DSCAM: variants seen among roughly 807,000 people sequenced by gnomAD.
The protein encoded by DSCAM is DS cell adhesion molecule, also known as cell adhesion molecule DSCAM.
Under a neutral mutation model 217.7 loss-of-function variants are expected in DSCAM, and 47 were observed. The observed-to-expected ratio is 0.22, with a 90% CI of 0.17 to 0.28. The LOEUF (loss-of-function observed/expected upper bound fraction) is 0.28. Ranked by LOEUF, DSCAM falls within the 10% of genes least tolerant of loss-of-function variation. The pLI is 1.00. For missense variants in DSCAM, 2,080 were observed against 2,618.3 expected (o/e 0.79, Z 4.49); for synonymous variants, 1,056 against 1,015.3 (o/e 1.04, Z -0.76).
intron 3 of DSCAM, among the ~76,000 whole-genome samples, chr21:40,421,488 G>C (rs985824577): frequency 6.6e-6 from 1 of 152,214 alleles, no homozygotes; most frequent in African/African-American, 2.4e-5. Context: ...GTGCTTGTGG[G>C]ATTGGTGTGG....
intron 1 of DSCAM, among the ~76,000 whole-genome samples, chr21:40,714,290 C>T (rs539605193): frequency 5.3e-5 from 8 of 152,238 alleles, no homozygotes; most frequent in Non-Finnish European, 1.5e-5. Flanking sequence ...GATCCCAGAA[C>T]TGTAGAGCTA....
chr21:40,648,954 C>T (rs2089982540), intron 3 of DSCAM, among the ~76,000 whole-genome samples: 1 of 152,196 alleles, frequency 6.6e-6, no homozygotes, highest in Admixed American at 6.5e-5. Flanking sequence ...ACAGCAAGCT[C>T]AGCGGGTGGG....
intron 4 of DSCAM, among the ~76,000 whole-genome samples, chr21:40,365,616 G>T (rs1297093583): frequency 6.6e-6 from 1 of 152,002 alleles, no homozygotes; most frequent in Admixed American, 6.6e-5. Flanking sequence ...ATAGAGACTA[G>T]ACTCCAATTT....
chr21:40,550,784 T>C (rs2076623741), intron 3 of DSCAM, among the ~76,000 whole-genome samples: 1 of 152,170 alleles, frequency 6.6e-6, no homozygotes, highest in Non-Finnish European at 1.5e-5. Context: ...TGAGGGACTG[T>C]CACATGGTTG....
chr21:40,485,408 A>G (rs1201294185), intron 3 of DSCAM, among the ~76,000 whole-genome samples: 3 of 150,418 alleles, frequency 2.0e-5, no homozygotes, highest in African/African-American at 7.4e-5. Flanking sequence ...GCGCCCGGCT[A>G]ATTTTTTGTA....
chr21:40,455,658 A>C (rs1159695392), intron 3 of DSCAM, among the ~76,000 whole-genome samples: 1 of 152,142 alleles, frequency 6.6e-6, no homozygotes, highest in Non-Finnish European at 1.5e-5. Context: ...GATCCCAGCT[A>C]CTGGGGAGGC....
At chr21:40,476,543 A>C (rs1403372144) in intron 3 of DSCAM, among the ~76,000 whole-genome samples, 1 of 152,228 alleles carries the variant, frequency 6.6e-6, no homozygotes, top group East Asian at 1.9e-4. Flanking sequence ...GTTTGCTCAC[A>C]ACCTTATCAG....
At chr21:40,485,631 T>C (rs888096967) in intron 3 of DSCAM, among the ~76,000 whole-genome samples, 1 of 152,176 alleles carries the variant, frequency 6.6e-6, no homozygotes, top group Non-Finnish European at 1.5e-5. Context: ...AATAAATAAA[T>C]AAAATGTATT....
intron 19 of DSCAM, 103 bp downstream of exon 19, chr21:40,133,751 G>A: frequency 7.2e-7 from 1 of 1,389,364 alleles, no homozygotes; most frequent in Non-Finnish European, 9.6e-7. Flanking sequence ...GCAAAGGTTT[G>A]CACTGAGAAT....
In DSCAM at chr21:40,360,123, C is replaced by CT. The variant is rs930781270; in HGVS notation, c.656-6381dup. Among the ~76,000 whole-genome samples, 41 of 65,426 alleles carry CT rather than the reference C, an allele frequency of 6.3e-4. 4 individuals are homozygous for CT. The highest frequency in any genetic ancestry group is 1.2e-3 in the Non-Finnish European group (36 of 29,940). The allele number at this position is 65,426 out of a possible 152,430, so 42.9% of individuals were successfully genotyped here. A position where few individuals can be genotyped will look rare whatever the true frequency, so the allele number is the denominator to read the frequency against. ...GTGAGCATGGTACTTCATAGGTAGT[C>CT]TTTTTTTTTTTTTTTTTTTTTTTTT... is the stretch of plus-strand genomic sequence containing the variant. On this transcript the variant is annotated intron_variant, in intron 4 of 32. Transcript: ENST00000400454.
chr21:40,385,600 T>C (rs868596746), intron 3 of DSCAM, among the ~76,000 whole-genome samples: 16 of 152,172 alleles, frequency 1.1e-4, no homozygotes, highest in African/African-American at 3.9e-4. Flanking sequence ...TTTTTGGTTT[T>C]GTGGGATTCT....
At chr21:40,812,511 T>C (rs2091847817) in intron 1 of DSCAM, among the ~76,000 whole-genome samples, 1 of 152,196 alleles carries the variant, frequency 6.6e-6, no homozygotes. Context: ...ACCTGTGCTC[T>C]CTTTTTGGAT....
chr21:40,828,845 A>T (rs973307580), intron 1 of DSCAM, among the ~76,000 whole-genome samples: 1 of 152,028 alleles, frequency 6.6e-6, no homozygotes, highest in African/African-American at 2.4e-5. Context: ...TTTAGTATAG[A>T]TGGGGTTTCA....
intron 3 of DSCAM, among the ~76,000 whole-genome samples, chr21:40,662,731 C>T (rs577130977): frequency 1.3e-5 from 2 of 152,244 alleles, no homozygotes; most frequent in South Asian, 4.1e-4. Context: ...TCCTTCCCTG[C>T]TCCCTGCCAG....
intron 3 of DSCAM, among the ~76,000 whole-genome samples, chr21:40,488,784 C>T (rs2076050946): frequency 1.3e-5 from 2 of 152,074 alleles, no homozygotes; most frequent in African/African-American, 4.8e-5. Context: ...TTTATTTTTC[C>T]TTGGCTTCAT....
At chr21:40,841,563 G>A (rs1476903369) in intron 1 of DSCAM, among the ~76,000 whole-genome samples, 1 of 152,182 alleles carries the variant, frequency 6.6e-6, no homozygotes, top group Non-Finnish European at 1.5e-5. Context: ...CAGTGGGCCT[G>A]GGGGAGAGGG....
At chr21:40,087,428 G>C in intron 21 of DSCAM, 141 bp from the exon 22 acceptor site, 2 of 627,074 alleles carry the variant, frequency 3.2e-6, no homozygotes, top group Non-Finnish European at 2.9e-6. Context: ...CTACTCTCTG[G>C]TACCCGGGTT....
intron 11 of DSCAM, chr21:40,212,364 A>C (rs1269734918): frequency 6.5e-6 from 1 of 154,182 alleles, no homozygotes; most frequent in Non-Finnish European, 1.5e-5. Flanking sequence ...CATGGGGTTT[A>C]GATTGAACAT....
intron 11 of DSCAM, among the ~76,000 whole-genome samples, chr21:40,267,444 G>A (rs979143152): frequency 9.2e-5 from 14 of 152,192 alleles, no homozygotes; most frequent in African/African-American, 3.1e-4. Context: ...CCACAAACAA[G>A]TGAGTCATGC....
Sources: gnomAD v4.1 joint callset for allele counts (sites outside exome capture counted in the v4.1 genomes callset) on GRCh38, gnomAD v4.1.1 for gene constraint, MANE v1.5 for transcripts, NCBI Gene and HGNC (gene_info 2026-07-23, HGNC 2026-07-21) for gene names.